ZNF280C: variants seen among roughly 807,000 people sequenced by gnomAD.
The protein encoded by ZNF280C is suppressor of hairy wing homolog 3.
Under a neutral mutation model 53.6 loss-of-function variants are expected in ZNF280C, and 14 were observed. The observed-to-expected ratio is 0.26, with a 90% CI of 0.17 to 0.41. The LOEUF is 0.41. ZNF280C is among the 10% of genes least tolerant of loss of function. The pLI is 1.00. For synonymous variants in ZNF280C, 203 were observed against 181.1 expected (o/e 1.12, Z -0.97); for missense variants, 416 against 547.1 (o/e 0.76, Z 2.39).
At chrX:130,251,773 C>T (rs1423514817) in intron 2 of ZNF280C, among the ~76,000 whole-genome samples, 2 of 92,350 alleles carry the variant, frequency 2.2e-5, no homozygotes, top group South Asian at 5.6e-4. Context: ...TGGGAGGCAG[C>T]GCCAGACTTC....
chrX:130,233,517 G>C (rs1296846313), intron 8 of ZNF280C, among the ~76,000 whole-genome samples: 1 of 107,883 alleles, frequency 9.3e-6, no homozygotes, highest in Non-Finnish European at 1.9e-5. Context: ...TCAGAAAGCT[G>C]AGGCAGGAGA....
At chrX:130,231,269 T>C (rs771858205) in intron 8 of ZNF280C, among the ~76,000 whole-genome samples, 1 of 111,772 alleles carries the variant, frequency 8.9e-6, no homozygotes, top group Non-Finnish European at 1.9e-5. Flanking sequence ...TGTATGTTCA[T>C]TGCAGCACTA....
chrX:130,245,269 T>C (rs2032438569), intron 3 of ZNF280C, among the ~76,000 whole-genome samples: 1 of 111,825 alleles, frequency 8.9e-6, no homozygotes, highest in Non-Finnish European at 1.9e-5. Flanking sequence ...TCATCTACAA[T>C]CAATATAAAT....
At chrX:130,263,822 C>T (rs1425670473) in intron 1 of ZNF280C, among the ~76,000 whole-genome samples, 3 of 108,615 alleles carry the variant, frequency 2.8e-5, no homozygotes, top group African/African-American at 1.0e-4. Context: ...GTCAGGAGTT[C>T]GAGACCAGCC....
chrX:130,216,025 G>C lies in ZNF280C; in HGVS notation c.1604C>G (p.Ser535Cys). The C allele has an allele frequency of 8.3e-7, 1 of 1,211,629 alleles. No homozygotes were observed. Among genetic ancestry groups the C allele is most frequent in the Non-Finnish European group, 1.1e-6 (1 of 895,335 alleles). Residue 535 changes from serine to cysteine, a missense_variant, in exon 14 of 19, where the codon TCT becomes TGT. Physicochemically the swap from Ser to Cys is moderately radical, Grantham distance 112 (BLOSUM62 -1). This residue lies in a region of ZNF280C where 151 missense variants were observed against 176.9 expected (regional missense o/e 0.85). Coordinates refer to ENST00000370978, the MANE Select transcript of ZNF280C (RefSeq NM_017666.5). ...TGTCGGAGGTGTGACCTGAAGAAAA[G>C]AAGTGCCTGGAGCGCAACCGAAAGG... ...TAPFGCAPGT[S>C]FLQVTPPTSQ...
Position 130,268,479 on chromosome X carries a change from G to A in ZNF280C, c.-17+283C>T, listed in dbSNP as rs1196339340. ...ACCGACAGGACTCAGGAGGTGAGAA[G>A]GCTGCCGCAGCTGCCGCGGCCCGCG... On this transcript the variant is annotated intron_variant, in intron 1 of 18. Coordinates refer to ENST00000370978, the MANE Select transcript of ZNF280C (RefSeq NM_017666.5). 2.7e-5 allele frequency among the ~76,000 whole-genome samples: 3 copies of A among 112,141 alleles called. 1 individual carries two copies. Among genetic ancestry groups the A allele is most frequent in the Admixed American group, 1.9e-4 (2 of 10,740 alleles).
chrX:130,207,306 T>C (rs2031986460), intron 16 of ZNF280C, among the ~76,000 whole-genome samples: 2 of 111,647 alleles, frequency 1.8e-5, no homozygotes, highest in Non-Finnish European at 3.8e-5. Context: ...CTCCCCAGCC[T>C]TGTTTTCAAG....
chrX:130,207,094 T>A (rs2031984052), intron 16 of ZNF280C, among the ~76,000 whole-genome samples: 1 of 111,287 alleles, frequency 9.0e-6, no homozygotes, highest in African/African-American at 3.3e-5. Flanking sequence ...TTAAATATGA[T>A]GTGATACCAC....
intron 6 of ZNF280C, among the ~76,000 whole-genome samples, chrX:130,238,226 T>C (rs2032353863): frequency 1.8e-5 from 2 of 111,614 alleles, no homozygotes; most frequent in East Asian, 5.6e-4. Context: ...CTAACAACTG[T>C]TTATTGTCAA....
In ZNF280C at chrX:130,266,529, G is replaced by C. The variant is rs1228134226; in HGVS notation, c.-17+2233C>G. 6.3e-5 allele frequency among the ~76,000 whole-genome samples: 7 copies of C among 111,339 alleles called. No homozygotes were observed. In the Admixed American group the frequency reaches 6.7e-4, roughly 11 times the overall value. ...CATAACAAAATGATAAATTGGTAAGGTGATGGCTATGTTAGCCTCTTTCAA... is the reference window on the plus strand; with the variant it reads ...CATAACAAAATGATAAATTGGTAAGCTGATGGCTATGTTAGCCTCTTTCAA... On this transcript the variant is annotated intron_variant, in intron 1 of 18. Transcript: ENST00000370978.
chrX:130,257,768 T>C (rs1012629325), intron 2 of ZNF280C, among the ~76,000 whole-genome samples: 1 of 112,103 alleles, frequency 8.9e-6, no homozygotes, highest in African/African-American at 3.2e-5. Flanking sequence ...TGTTTGACTT[T>C]AAAAAAAGAT....
At chrX:130,242,008 G>C (rs973122207) in intron 5 of ZNF280C, among the ~76,000 whole-genome samples, 4 of 90,719 alleles carry the variant, frequency 4.4e-5, no homozygotes, top group South Asian at 6.6e-4. Flanking sequence ...GCCGGGGGGG[G>C]GCGGGTGGCA....
At chrX:130,242,429 A>G (rs947133280) in intron 5 of ZNF280C, among the ~76,000 whole-genome samples, 3 of 112,107 alleles carry the variant, frequency 2.7e-5, no homozygotes, top group African/African-American at 9.7e-5. Flanking sequence ...CAGAATAAGC[A>G]ATAATGACTT....
chrX:130,209,546 C>A, intron 16 of ZNF280C, 107 bp downstream of exon 16: 2 of 731,196 alleles, frequency 2.7e-6, no homozygotes, highest in East Asian at 3.3e-5. Flanking sequence ...GGTCCAAGGA[C>A]ATAATAAACA....
At chrX:130,258,136 TAATA>T (rs2032594756) in intron 2 of ZNF280C, among the ~76,000 whole-genome samples, 1 of 110,969 alleles carries the variant, frequency 9.0e-6, no homozygotes, top group Non-Finnish European at 1.9e-5. Flanking sequence ...AAAAAATAAA[TAATA>T]AATAATAAAA....
At position 130,233,806 on chromosome X, in the gene ZNF280C, A is replaced by C. The variant is rs766862921; in HGVS notation, c.771+2408T>G. 6.3e-5 allele frequency among the ~76,000 whole-genome samples: 7 copies of C among 110,425 alleles called. 1 individual carries two copies. Among genetic ancestry groups the C allele is most frequent in the African/African-American group, 2.3e-4 (7 of 30,429 alleles). Reference sequence around the variant, plus strand: ...GCTCCAAACTCATCAAGCTGTATACATTAAATACAGATTTTTATAGGTCAA... The same window carrying C: ...GCTCCAAACTCATCAAGCTGTATACCTTAAATACAGATTTTTATAGGTCAA... On this transcript the variant is annotated intron_variant, in intron 8 of 18. Transcript: ENST00000370978.
At chrX:130,216,444 A>C (rs959963322) in intron 13 of ZNF280C, among the ~76,000 whole-genome samples, 5 of 112,389 alleles carry the variant, frequency 4.4e-5, no homozygotes, top group African/African-American at 1.6e-4. Context: ...ATATGACACC[A>C]AAAGCACAAG....
chrX:130,213,321 C>T (rs1209139191), intron 15 of ZNF280C, among the ~76,000 whole-genome samples: 2 of 112,024 alleles, frequency 1.8e-5, no homozygotes. Context: ...TGCAGTGAGC[C>T]GAGATCATGC....
At chrX:130,217,575 G>A (rs966506779) in intron 13 of ZNF280C, among the ~76,000 whole-genome samples, 39 of 111,881 alleles carry the variant, frequency 3.5e-4, no homozygotes, top group African/African-American at 1.2e-3. Flanking sequence ...CACTGTAAAT[G>A]GGTAAATTGT....
Sources: gnomAD v4.1 joint callset for allele counts (sites outside exome capture counted in the v4.1 genomes callset) on GRCh38, gnomAD v4.1.1 for gene constraint, gnomAD v4.1.1 regional missense constraint, MANE v1.5 for transcripts, NCBI Gene and HGNC (gene_info 2026-07-23, HGNC 2026-07-21) for gene names.